MELK: variants seen among roughly 807,000 people sequenced by gnomAD.
MELK encodes the protein pEg3 kinase.
Under a neutral mutation model 85.0 loss-of-function variants are expected in MELK, and 81 were observed. The ratio of observed to expected loss-of-function variants is 0.95; its 90% confidence interval spans 0.80 to 1.15. MELK has a LOEUF of 1.15. MELK is among the 50% of genes most tolerant of loss of function. The pLI, the probability that MELK is intolerant of heterozygous loss-of-function variation, is 0.00. For synonymous variants in MELK, 252 were observed against 265.0 expected, an observed-to-expected ratio of 0.95 and a Z score of 0.48; for missense variants, 754 against 777.5, an observed-to-expected ratio of 0.97 and a Z score of 0.36.
intron 8 of MELK, among the ~76,000 whole-genome samples, chr9:36,620,128 C>T (rs565522326): frequency 2.4e-4 from 37 of 152,210 alleles, no homozygotes; most frequent in African/African-American, 8.9e-4. Context: ...GGGATTTGAA[C>T]CCTAGCAGTC....
chr9:36,643,104 T>C (rs1017768573), intron 11 of MELK, 21 bp downstream of exon 11: 34 of 1,594,098 alleles, frequency 2.1e-5, no homozygotes, highest in Non-Finnish European at 2.9e-5. Context: ...CAGCATGGGC[T>C]GGGCGCAGTG....
chr9:36,610,643 C>T (rs139230755), intron 8 of MELK, among the ~76,000 whole-genome samples: 2 of 152,280 alleles, frequency 1.3e-5, no homozygotes, highest in African/African-American at 4.8e-5. Flanking sequence ...GGGTAGCACT[C>T]GTTGCTTTGG....
chr9:36,585,822 C>T (rs1260698181), intron 3 of MELK, among the ~76,000 whole-genome samples: 1 of 151,914 alleles, frequency 6.6e-6, no homozygotes, highest in East Asian at 1.9e-4. Flanking sequence ...CCTGTAGTCC[C>T]AGCTACTTGG....
chr9:36,660,300 T>C (rs919294269), intron 13 of MELK, among the ~76,000 whole-genome samples: 2 of 152,200 alleles, frequency 1.3e-5, no homozygotes, highest in Non-Finnish European at 2.9e-5. Flanking sequence ...GCAGCCACAA[T>C]GTGCAACAAT....
chr9:36,629,863 G>A (rs1262872197), intron 8 of MELK: 1 of 20,258 alleles, frequency 4.9e-5, no homozygotes, highest in Admixed American at 5.4e-4. Context: ...TTTTTTTTTT[G>A]TGATGGAGTC....
At chr9:36,612,156 C>T (rs191249633) in intron 8 of MELK, among the ~76,000 whole-genome samples, 5 of 152,006 alleles carry the variant, frequency 3.3e-5, no homozygotes, top group East Asian at 1.9e-4. Context: ...AGTGCAATGG[C>T]GCGATCTTAG....
intron 11 of MELK, among the ~76,000 whole-genome samples, chr9:36,644,989 C>G (rs1830095765): frequency 6.6e-6 from 1 of 152,034 alleles, no homozygotes. Context: ...CATACTTAAG[C>G]CGGGCGCGGT....
At chr9:36,641,663 AATGGCTTGATC>A (rs1037030709) in intron 10 of MELK, among the ~76,000 whole-genome samples, 1 of 145,384 alleles carries the variant, frequency 6.9e-6, no homozygotes, top group African/African-American at 2.6e-5. Context: ...CCTGGAGTGC[AATGGCTTGATC>A]TCAGCTCCCC....
At chr9:36,590,825 C>T (rs1256305204) in intron 4 of MELK, among the ~76,000 whole-genome samples, 2 of 152,084 alleles carry the variant, frequency 1.3e-5, no homozygotes, top group African/African-American at 2.4e-5. Context: ...CCTATAATCC[C>T]AGCACTTTGG....
At chr9:36,661,318 A>C (rs1252630045) in intron 13 of MELK, among the ~76,000 whole-genome samples, 1 of 152,232 alleles carries the variant, frequency 6.6e-6, no homozygotes, top group Non-Finnish European at 1.5e-5. Flanking sequence ...TCTGAAACAA[A>C]AGAGGTATAC....
chr9:36,643,884 A>G (rs947402378), intron 11 of MELK, among the ~76,000 whole-genome samples: 4 of 151,580 alleles, frequency 2.6e-5, no homozygotes, highest in Admixed American at 2.6e-4. Flanking sequence ...CAGTGAGCCA[A>G]GATCACGCCA....
In MELK at chr9:36,669,426, A is replaced by G; in HGVS notation, c.1505+20A>G. On this transcript the variant is annotated intron_variant, in intron 15 of 17. Coordinates refer to ENST00000298048, the MANE Select transcript of MELK (RefSeq NM_014791.4). ...GAGGCGGTAAGTGTTTGGTTTTTTT[A>G]GACTCTAATCTTTAGTATATGTAAC... The G allele has an allele frequency of 6.5e-7, 1 of 1,530,292 alleles. No homozygotes were observed. Among genetic ancestry groups the G allele is most frequent in the Non-Finnish European group, 8.9e-7 (1 of 1,121,436 alleles). The allele number at this position is 1,530,292 out of a possible 1,614,324, so 94.8% of individuals were successfully genotyped here. A position where few individuals can be genotyped will look rare whatever the true frequency, so the allele number is the denominator to read the frequency against.
intron 1 of MELK, among the ~76,000 whole-genome samples, chr9:36,579,397 C>T (rs12350619): frequency 0.11 from 16,951 of 152,118 alleles, 2,774 homozygotes; most frequent in African/African-American, 0.36. Context: ...CTCCTGACCT[C>T]GTGATCCGCC....
At chr9:36,582,758 G>A (rs532299688) in intron 2 of MELK, among the ~76,000 whole-genome samples, 1 of 152,248 alleles carries the variant, frequency 6.6e-6, no homozygotes, top group African/African-American at 2.4e-5. Flanking sequence ...GGGTTGGAGT[G>A]CTAGAGAAAG....
intron 17 of MELK, among the ~76,000 whole-genome samples, chr9:36,675,894 T>C (rs1280318071): frequency 1.3e-5 from 2 of 152,226 alleles, no homozygotes; most frequent in South Asian, 2.1e-4. Context: ...AGAAACAATC[T>C]TGTGCAGATA....
intron 11 of MELK, among the ~76,000 whole-genome samples, chr9:36,650,241 C>A (rs1830585862): frequency 7.0e-6 from 1 of 143,330 alleles, no homozygotes; most frequent in African/African-American, 2.5e-5. Flanking sequence ...CCGCACCCGG[C>A]CTCTATTTTA....
At chr9:36,621,073 A>G (rs1424177537) in intron 8 of MELK, among the ~76,000 whole-genome samples, 1 of 151,284 alleles carries the variant, frequency 6.6e-6, no homozygotes, top group Admixed American at 6.6e-5. Flanking sequence ...GCTCGAAATC[A>G]GCCTGGCCAA....
intron 17 of MELK, 75 bp downstream of exon 17, chr9:36,675,012 G>A (rs914887050): frequency 2.5e-5 from 28 of 1,103,300 alleles, no homozygotes; most frequent in Non-Finnish European, 3.1e-5. Flanking sequence ...TTGGTTGGGC[G>A]CGGTGGCTCA....
chr9:36,648,835 C>T (rs1445274526), intron 11 of MELK, among the ~76,000 whole-genome samples: 2 of 152,038 alleles, frequency 1.3e-5, no homozygotes, highest in African/African-American at 4.8e-5. Flanking sequence ...AGCTGTGTAA[C>T]GTAATTCTTC....
Sources: gnomAD v4.1 joint callset for allele counts (sites outside exome capture counted in the v4.1 genomes callset) on GRCh38, gnomAD v4.1.1 for gene constraint, MANE v1.5 for transcripts, NCBI Gene and HGNC (gene_info 2026-07-23, HGNC 2026-07-21) for gene names.